The following RAP1GDS1 variants were observed in gnomAD, a reference collection of about 807,000 sequenced individuals.
RAP1GDS1 encodes RAP1, GTP-GDP dissociation stimulator 1.
Under a neutral mutation model 71.1 loss-of-function variants are expected in RAP1GDS1, and 35 were observed. That is an observed-to-expected ratio of 0.49 (90% CI 0.38 to 0.65). RAP1GDS1 has a LOEUF of 0.65. RAP1GDS1 is among the 30% of genes least tolerant of loss of function. The pLI, the probability that RAP1GDS1 is intolerant of heterozygous loss-of-function variation, is 0.00. For synonymous variants in RAP1GDS1, 229 were observed against 243.1 expected (o/e 0.94, Z 0.54); for missense variants, 663 against 706.1 (o/e 0.94, Z 0.69).
intron 2 of RAP1GDS1, among the ~76,000 whole-genome samples, chr4:98,320,293 A>G (rs987259585): frequency 4.6e-5 from 7 of 152,104 alleles, no homozygotes. Context: ...TTATTGGTTG[A>G]TTTGGTGGCC....
At chr4:98,413,452 T>C (rs1747399319) in intron 7 of RAP1GDS1, among the ~76,000 whole-genome samples, 1 of 151,710 alleles carries the variant, frequency 6.6e-6, no homozygotes, top group Non-Finnish European at 1.5e-5. Context: ...TTCCCACCTA[T>C]GAGTGAGAAT....
At chr4:98,390,274 CTT>C (rs143699417) in intron 5 of RAP1GDS1, among the ~76,000 whole-genome samples, 1 of 152,076 alleles carries the variant, frequency 6.6e-6, no homozygotes, top group East Asian at 1.9e-4. Context: ...AGTATTTTAC[CTT>C]TAAGTGTTGT....
intron 2 of RAP1GDS1, 145 bp downstream of exon 2, chr4:98,293,660 T>G: frequency 1.5e-6 from 1 of 663,488 alleles, no homozygotes; most frequent in Non-Finnish European, 2.6e-6. Flanking sequence ...TGAGATTGTT[T>G]TACATGTTCT....
intron 7 of RAP1GDS1, chr4:98,409,825 G>T: frequency 3.9e-6 from 1 of 253,784 alleles, no homozygotes; most frequent in South Asian, 4.9e-5. Flanking sequence ...ATTAATTCCA[G>T]ATAGATTGAC....
chr4:98,325,455 A>G (rs1270202824), intron 2 of RAP1GDS1, among the ~76,000 whole-genome samples: 1,761 of 151,958 alleles, frequency 0.012, 29 homozygotes, highest in African/African-American at 0.04. Flanking sequence ...TCATGCTGCT[A>G]TAAAGACACA....
At chr4:98,422,993 T>C (rs1250084537) in intron 12 of RAP1GDS1, among the ~76,000 whole-genome samples, 1 of 152,230 alleles carries the variant, frequency 6.6e-6, no homozygotes, top group African/African-American at 2.4e-5. Flanking sequence ...CTCACGCCCA[T>C]TTGTTCATTT....
At chr4:98,330,286 C>G (rs1341079116) in intron 2 of RAP1GDS1, among the ~76,000 whole-genome samples, 1 of 152,200 alleles carries the variant, frequency 6.6e-6, no homozygotes, top group Non-Finnish European at 1.5e-5. Flanking sequence ...CTTTTCTATT[C>G]GACAAAACCG....
intron 2 of RAP1GDS1, among the ~76,000 whole-genome samples, chr4:98,297,880 A>G (rs992099449): frequency 1.3e-5 from 2 of 152,248 alleles, no homozygotes; most frequent in Non-Finnish European, 2.9e-5. Flanking sequence ...AAGCAAAGAT[A>G]GGCCAAAAGC....
At chr4:98,274,003 G>A (rs1303326935) in intron 1 of RAP1GDS1, among the ~76,000 whole-genome samples, 1 of 152,060 alleles carries the variant, frequency 6.6e-6, no homozygotes, top group Non-Finnish European at 1.5e-5. Context: ...ATTTGTGTAT[G>A]GAGGGAGATC....
chr4:98,399,416 C>T (rs1282449944), intron 6 of RAP1GDS1, among the ~76,000 whole-genome samples: 3 of 152,266 alleles, frequency 2.0e-5, no homozygotes, highest in African/African-American at 7.2e-5. Context: ...ACCTTAGCCT[C>T]CCAAGTAGCT....
chr4:98,326,741 C>T (rs1733156404), intron 2 of RAP1GDS1, among the ~76,000 whole-genome samples: 1 of 152,130 alleles, frequency 6.6e-6, no homozygotes, highest in Non-Finnish European at 1.5e-5. Context: ...CCCTCAGCTC[C>T]ACTCACTAGG....
chr4:98,318,089 C>G (rs757675223), intron 2 of RAP1GDS1, among the ~76,000 whole-genome samples: 1 of 152,068 alleles, frequency 6.6e-6, no homozygotes, highest in Non-Finnish European at 1.5e-5. Flanking sequence ...GTGATTTGCC[C>G]GCCTTGGCCT....
At chr4:98,354,609 C>CT (rs1176198137) in intron 4 of RAP1GDS1, among the ~76,000 whole-genome samples, 3 of 151,982 alleles carry the variant, frequency 2.0e-5, no homozygotes, top group African/African-American at 7.2e-5. Flanking sequence ...CAAGATTATT[C>CT]TTTTGATGAA....
rs1362017082 is a variant in RAP1GDS1, at chr4:98,261,463, C to T, written c.-103C>T. Reference sequence around the variant, plus strand: ...GCGGCCGCCCCCCGCGGGTCCCTCCCTGGCTGCGGGAGAGACGGAGGTAGA... The same window carrying T: ...GCGGCCGCCCCCCGCGGGTCCCTCCTTGGCTGCGGGAGAGACGGAGGTAGA... On this transcript the variant is annotated 5_prime_UTR_variant, in exon 1 of 15. Transcript: ENST00000408927. 1.6e-6 allele frequency: 2 copies of T among 1,286,206 alleles called. No homozygotes were observed. Among genetic ancestry groups the T allele is most frequent in the Non-Finnish European group, 2.1e-6 (2 of 956,622 alleles). 79.7% of individuals were successfully genotyped at this position (1,286,206 alleles called of 1,614,324 possible).
At chr4:98,390,268 TTTTACC>T (rs1487630783) in intron 5 of RAP1GDS1, among the ~76,000 whole-genome samples, 1 of 152,116 alleles carries the variant, frequency 6.6e-6, no homozygotes, top group East Asian at 1.9e-4. Context: ...TGTGTAAGTA[TTTTACC>T]TTTAAGTGTT....
chr4:98,277,687 A>G (rs981474968), intron 1 of RAP1GDS1, among the ~76,000 whole-genome samples: 7 of 152,142 alleles, frequency 4.6e-5, no homozygotes, highest in East Asian at 1.9e-4. Flanking sequence ...ATGTAGTTCT[A>G]TTCACTCAGT....
chr4:98,404,511 T>G lies in RAP1GDS1; in HGVS notation c.672T>G (p.Ile224Met). The part of the protein sequence containing the change: ...SSKEQFASTN[I>M]AEELVKLFKK... ...AAGAACAGTTTGCCAGTACAAACAT[T>G]GCTGAAGAGCTAGTAAAACTCTTCA... The change falls in exon 7 of 15, where the codon ATT becomes ATG. Residue 224 changes from isoleucine to methionine, a missense_variant. Transcript: ENST00000408927. 1.2e-6 allele frequency: 2 copies of G among 1,608,334 alleles called. No homozygotes were observed. Among genetic ancestry groups the G allele is most frequent in the Non-Finnish European group, 1.7e-6 (2 of 1,177,802 alleles).
intron 3 of RAP1GDS1, among the ~76,000 whole-genome samples, chr4:98,346,951 A>T (rs552742355): frequency 1.3e-5 from 2 of 152,252 alleles, no homozygotes; most frequent in African/African-American, 4.8e-5. Context: ...TTCATGCCTC[A>T]TAGTTTTCCT....
In RAP1GDS1 at chr4:98,373,345, G is replaced by A. The variant is rs185874666; in HGVS notation, c.362-5672G>A. Reference sequence around the variant, plus strand: ...TTTTTTCTGTTTTTTTCCCCCTTCCGGCTGCCTTTAAGAGATTCTCTCTCT... The same window carrying A: ...TTTTTTCTGTTTTTTTCCCCCTTCCAGCTGCCTTTAAGAGATTCTCTCTCT... On this transcript the variant is annotated intron_variant, in intron 4 of 14. Transcript: ENST00000408927. 5.2e-3 allele frequency among the ~76,000 whole-genome samples: 791 copies of A among 151,248 alleles called. 7 individuals carry two copies. The highest frequency in any genetic ancestry group is 9.4e-3 in the Non-Finnish European group (634 of 67,802).
Sources: gnomAD v4.1 joint callset for allele counts (sites outside exome capture counted in the v4.1 genomes callset) on GRCh38, gnomAD v4.1.1 for gene constraint, MANE v1.5 for transcripts, NCBI Gene and HGNC (gene_info 2026-07-23, HGNC 2026-07-21) for gene names.